FRMD4A: variants seen among roughly 807,000 people sequenced by gnomAD.
The protein encoded by FRMD4A is FERM domain containing 4A.
FRMD4A carries 29 observed loss-of-function variants against 129.1 expected under a neutral mutation model. That is an observed-to-expected ratio of 0.22 (90% confidence interval 0.17 to 0.31). The LOEUF is 0.31. Ranked by LOEUF, FRMD4A falls within the 10% of genes least tolerant of loss-of-function variation. The pLI is 1.00. For synonymous variants in FRMD4A, 634 were observed against 571.6 expected (o/e 1.11, Z -1.56); for missense variants, 1,272 against 1,375.8 (o/e 0.92, Z 1.19).
chr10:13,722,830 G>A (rs911352164), intron 12 of FRMD4A, among the ~76,000 whole-genome samples: 15 of 152,200 alleles, frequency 9.9e-5, no homozygotes, highest in Non-Finnish European at 1.9e-4. Flanking sequence ...CTCCATGCTG[G>A]TTAGCTAGGT....
intron 9 of FRMD4A, chr10:13,744,659 C>T (rs1292534036): frequency 1.3e-5 from 2 of 152,228 alleles, no homozygotes; most frequent in Non-Finnish European, 2.9e-5. Context: ...AATGTGCGAA[C>T]TCCAGCGGGG....
chr10:13,848,964 T>A (rs1460219335), intron 3 of FRMD4A, among the ~76,000 whole-genome samples: 2 of 152,218 alleles, frequency 1.3e-5, no homozygotes, highest in Non-Finnish European at 2.9e-5. Context: ...GTGCTCTATA[T>A]CTTACCATGT....
At chr10:13,698,015 C>A (rs1381391293) in intron 14 of FRMD4A, among the ~76,000 whole-genome samples, 1 of 151,682 alleles carries the variant, frequency 6.6e-6, no homozygotes, top group Admixed American at 6.6e-5. Flanking sequence ...AAATAACCAA[C>A]CAGCACAGCC....
At chr10:13,666,796 C>G (rs949255599) in intron 17 of FRMD4A, among the ~76,000 whole-genome samples, 1 of 152,154 alleles carries the variant, frequency 6.6e-6, no homozygotes, top group Non-Finnish European at 1.5e-5. Flanking sequence ...GCCTCTGACT[C>G]TCACACTGTG....
intron 2 of FRMD4A, among the ~76,000 whole-genome samples, chr10:13,921,680 C>A (rs1402254050): frequency 6.6e-6 from 1 of 152,118 alleles, no homozygotes; most frequent in Non-Finnish European, 1.5e-5. Context: ...TAGGTTTCAA[C>A]AGATGAATTT....
At chr10:13,692,134 T>A in intron 15 of FRMD4A, 1 of 143,316 alleles carries the variant, frequency 7.0e-6, no homozygotes, top group Non-Finnish European at 1.5e-5. Flanking sequence ...TATAAAATTT[T>A]AGCAGCTTTT....
chr10:13,709,224 A>C (rs2087769260), intron 12 of FRMD4A, among the ~76,000 whole-genome samples: 1 of 152,182 alleles, frequency 6.6e-6, no homozygotes, highest in Non-Finnish European at 1.5e-5. Flanking sequence ...TCGGCCTCCC[A>C]AAATTTTGGG....
At position 13,660,337 on chromosome 10, in the gene FRMD4A, C is replaced by A. The variant is rs777877298; in HGVS notation, c.1877G>T (p.Arg626Leu). 1 of 1,612,460 alleles carries A rather than the reference C, an allele frequency of 6.2e-7. No individual in the cohort carries two copies. Among genetic ancestry groups the A allele is most frequent in the Admixed American group, 1.7e-5 (1 of 60,014 alleles). ...LDEPYEKVKK[R>L]SSHSHSSSHK... ...TCACCTGGAATGGCTGTGAGAGGAG[C>A]GCTTCTTGACCTTCTCATAGGGTTC... The change falls in exon 20 of 25, where the codon CGC becomes CTC. Residue 626 changes from arginine (R) to leucine (L), a missense_variant. Physicochemically the swap from Arg to Leu is moderately radical, Grantham distance 102. This residue lies in a region of FRMD4A where 972 missense variants were observed against 892.3 expected (regional missense o/e 1.09). Coordinates refer to ENST00000357447, the MANE Select transcript of FRMD4A (RefSeq NM_018027.5).
intron 2 of FRMD4A, among the ~76,000 whole-genome samples, chr10:14,085,109 C>T (rs899209397): frequency 2.6e-5 from 4 of 151,894 alleles, no homozygotes; most frequent in African/African-American, 9.7e-5. Flanking sequence ...GGAATCCCAC[C>T]TCCATCTGTT....
rs367631784 is a variant in FRMD4A at position 13,989,817 on chromosome 10, T to G, written c.46-130905A>C. On this transcript the variant is annotated intron_variant, in intron 2 of 24. Transcript: ENST00000357447. ...TAAAATACAGGACACCCAGTTACAT[T>G]TGAATTTCAGACAAACTCCATGGAA... Among the ~76,000 whole-genome samples, 5 of 152,170 alleles carry G rather than the reference T, an allele frequency of 3.3e-5. No individual in the cohort carries two copies. In the East Asian group the frequency reaches 9.6e-4, roughly 29 times the overall value.
Position 13,900,929 on chromosome 10 carries a change from G to T in FRMD4A, c.46-42017C>A, listed in dbSNP as rs568963348. Among the ~76,000 whole-genome samples the T allele has an allele frequency of 9.2e-5, 14 of 152,066 alleles. No individual in the cohort carries two copies. The East Asian group carries it at 2.7e-3, about 29-fold the overall frequency. ...AAATAAAATAAAATAAAATAAGAAG[G>T]TTAAAACTTAGTTGGCATTTACCAA... On this transcript the variant is annotated intron_variant, in intron 2 of 24. Coordinates refer to ENST00000357447, the MANE Select transcript of FRMD4A (RefSeq NM_018027.5).
intron 2 of FRMD4A, among the ~76,000 whole-genome samples, chr10:14,121,818 C>T (rs1412178689): frequency 1.3e-5 from 2 of 152,184 alleles, no homozygotes; most frequent in South Asian, 2.1e-4. Context: ...TGGCTTTGAA[C>T]CTAGGCTTTC....
intron 2 of FRMD4A, among the ~76,000 whole-genome samples, chr10:14,174,162 G>A (rs551611529): frequency 2.0e-5 from 3 of 152,032 alleles, no homozygotes; most frequent in East Asian, 2.0e-4. Flanking sequence ...CCCCTCTCCC[G>A]GGTGGCGCCT....
At chr10:14,089,780 T>C (rs1385455847) in intron 2 of FRMD4A, among the ~76,000 whole-genome samples, 1 of 152,168 alleles carries the variant, frequency 6.6e-6, no homozygotes, top group African/African-American at 2.4e-5. Flanking sequence ...ATGGGACTGG[T>C]CCAGCTTTGT....
chr10:13,798,401 C>T (rs1398539147), intron 4 of FRMD4A, among the ~76,000 whole-genome samples: 1 of 150,002 alleles, frequency 6.7e-6, no homozygotes, highest in Non-Finnish European at 1.5e-5. Flanking sequence ...GACAGAGACT[C>T]TGTCTCAAGA....
intron 21 of FRMD4A, 104 bp downstream of exon 21, chr10:13,659,219 A>C (rs1334284724): frequency 9.8e-7 from 1 of 1,016,358 alleles, no homozygotes; most frequent in Non-Finnish European, 1.5e-6. Context: ...TCCCAGGTTC[A>C]GGTCTGACTG....
intron 2 of FRMD4A, among the ~76,000 whole-genome samples, chr10:14,190,567 G>A (rs1281243122): frequency 6.6e-6 from 1 of 152,166 alleles, no homozygotes; most frequent in Non-Finnish European, 1.5e-5. Flanking sequence ...TAAATTTTTT[G>A]TAGAGCTGGA....
chr10:14,328,336 C>T (rs1040495582), intron 2 of FRMD4A, among the ~76,000 whole-genome samples: 2 of 128,594 alleles, frequency 1.6e-5, no homozygotes, highest in African/African-American at 6.4e-5. Context: ...TGTGGAAGAC[C>T]CAGGACCAGA....
intron 2 of FRMD4A, among the ~76,000 whole-genome samples, chr10:14,271,442 C>A (rs1203283534): frequency 6.6e-6 from 1 of 152,250 alleles, no homozygotes. Context: ...CACACTGGGA[C>A]ATGAACCTCA....
Sources: gnomAD v4.1 joint callset for allele counts (sites outside exome capture counted in the v4.1 genomes callset) on GRCh38, gnomAD v4.1.1 for gene constraint, gnomAD v4.1.1 regional missense constraint, MANE v1.5 for transcripts, NCBI Gene and HGNC (gene_info 2026-07-23, HGNC 2026-07-21) for gene names.